Variants in UTRN observed in about 807,000 individuals in gnomAD.
UTRN encodes dystrophin-related protein 1.
In UTRN, 283 loss-of-function variants were observed where a neutral mutation model predicts 463.9. The observed-to-expected ratio is 0.61, with a 90% CI of 0.55 to 0.67. UTRN has a LOEUF of 0.67. Among genes scored for constraint, UTRN ranks in the 30% least tolerant of loss-of-function variants. UTRN has a pLI of 0.00. For missense variants in UTRN, 3,922 were observed against 4,084.3 expected (o/e 0.96, Z 1.08); for synonymous variants, 1,442 against 1,431.5 (o/e 1.01, Z -0.17).
At chr6:144,724,034 GA>G (rs901403873) in intron 53 of UTRN, among the ~76,000 whole-genome samples, 1 of 138,676 alleles carries the variant, frequency 7.2e-6, no homozygotes, top group African/African-American at 2.7e-5. Flanking sequence ...AAAAAAGAAA[GA>G]AAAAAAAGAA....
intron 54 of UTRN, among the ~76,000 whole-genome samples, chr6:144,735,425 A>G (rs1789268660): frequency 1.3e-5 from 2 of 152,194 alleles, no homozygotes; most frequent in African/African-American, 2.4e-5. Flanking sequence ...CCTGGTTGCC[A>G]GAGTCTTGTG....
At chr6:144,723,691 G>A (rs1336224701) in intron 53 of UTRN, among the ~76,000 whole-genome samples, 1 of 152,044 alleles carries the variant, frequency 6.6e-6, no homozygotes, top group Non-Finnish European at 1.5e-5. Flanking sequence ...ATATGCATTG[G>A]GGATAAAGAC....
chr6:144,445,098 C>T (rs751174948), intron 14 of UTRN, among the ~76,000 whole-genome samples: 1 of 152,120 alleles, frequency 6.6e-6, no homozygotes, highest in African/African-American at 2.4e-5. Context: ...CGCCTGTAAT[C>T]CCAGCACTTT....
intron 69 of UTRN, among the ~76,000 whole-genome samples, chr6:144,832,851 A>G (rs773572121): frequency 6.6e-6 from 1 of 151,864 alleles, no homozygotes; most frequent in Non-Finnish European, 1.5e-5. Context: ...ACAGAGTCTC[A>G]CTCTGTCGCC....
chr6:144,532,620 C>T (rs577093751), intron 42 of UTRN, among the ~76,000 whole-genome samples: 1 of 152,336 alleles, frequency 6.6e-6, no homozygotes, highest in South Asian at 2.1e-4. Context: ...CAAACCATAT[C>T]AACCAGTGAA....
intron 34 of UTRN, among the ~76,000 whole-genome samples, chr6:144,503,450 T>A (rs1026563785): frequency 1.3e-5 from 2 of 152,198 alleles, no homozygotes; most frequent in African/African-American, 2.4e-5. Context: ...AGGGGTCCAC[T>A]TTCAGTTTTC....
intron 53 of UTRN, among the ~76,000 whole-genome samples, 197 bp downstream of exon 53, chr6:144,700,440 A>G (rs1784469662): frequency 6.6e-6 from 1 of 152,024 alleles, no homozygotes; most frequent in South Asian, 2.1e-4. Flanking sequence ...CATTTAACTA[A>G]ATTTTTTTCA....
chr6:144,433,240 C>T (rs1287173878), intron 9 of UTRN, among the ~76,000 whole-genome samples: 2 of 151,976 alleles, frequency 1.3e-5, no homozygotes, highest in African/African-American at 4.8e-5. Flanking sequence ...CAGAGGGGCT[C>T]CTCACTTCCC....
At chr6:144,480,501 C>T (rs955630730) in intron 26 of UTRN, among the ~76,000 whole-genome samples, 6 of 152,156 alleles carry the variant, frequency 3.9e-5, no homozygotes, top group African/African-American at 1.2e-4. Flanking sequence ...TTAATACATA[C>T]GGCACATATG....
At position 144,751,815 on chromosome 6, in the gene UTRN, G is replaced by A; in HGVS notation, c.8218G>A (p.Glu2740Lys). 1 of 1,601,018 alleles carries A rather than the reference G, an allele frequency of 6.2e-7. No individual in the cohort carries two copies. The highest frequency in any genetic ancestry group is 8.5e-7 in the Non-Finnish European group (1 of 1,175,356). The change falls in exon 56 of 75, where the codon GAA (glutamate) becomes AAA (lysine). Residue 2740 changes from glutamate to lysine, a missense_variant. Physicochemically the swap from Glu to Lys is moderately conservative, Grantham distance 56. This residue lies in a region of UTRN where 1,309 missense variants were observed against 1,452.6 expected (regional missense o/e 0.90). Transcript: ENST00000367545. ...DHIEKIMAFREEIAPINFKVK... is the reference protein window; with the variant it reads ...DHIEKIMAFRKEIAPINFKVK... The stretch of plus-strand genomic sequence containing the variant: ...TGTTCTTTTCTTCTAGGCATTTAGA[G>A]AAGAAATTGCACCAATCAACTTTAA...
chr6:144,811,238 A>G (rs1325436756), intron 65 of UTRN, among the ~76,000 whole-genome samples: 4 of 152,184 alleles, frequency 2.6e-5, no homozygotes, highest in African/African-American at 7.2e-5. Context: ...GCCAGCATCA[A>G]TGTACTTCGT....
rs186328845 is a variant in UTRN, at chr6:144,320,887, C to T, written c.79+28980C>T. Among the ~76,000 whole-genome samples the T allele has an allele frequency of 5.5e-4, 83 of 152,242 alleles. 1 individual carries two copies. The highest frequency in any genetic ancestry group is 1.3e-3 in the Admixed American group (20 of 15,272). ...GTTAAGTGTTGAGTTTCTATTTGCA[C>T]CTTATTCACCAGATTTACTTATTGT... On this transcript the variant is annotated intron_variant, in intron 2 of 74. Transcript: ENST00000367545.
chr6:144,788,806 G>A (rs924905395), intron 61 of UTRN, among the ~76,000 whole-genome samples: 4 of 152,068 alleles, frequency 2.6e-5, no homozygotes, highest in Admixed American at 6.6e-5. Context: ...CAGGTGATCC[G>A]CCTGCCTTGG....
chr6:144,374,945 CAAAAAA>C lies in UTRN; in HGVS notation c.80-28164_80-28159del, dbSNP rs757547113. Among the ~76,000 whole-genome samples, 400 of 49,218 alleles carry C rather than the reference CAAAAAA, an allele frequency of 8.1e-3. 2 individuals carry two copies. The highest frequency in any genetic ancestry group is 0.044 in the Middle Eastern group (3 of 68). The allele number at this position is 49,218 out of a possible 152,430, so 32.3% of individuals were successfully genotyped here. ...TGGGTGACAGAGTGAGACTCCATCT[CAAAAAA>C]AAAAAAAAAAAAAGTAACTAAAAGG... On this transcript the variant is annotated intron_variant, in intron 2 of 74. Transcript: ENST00000367545.
intron 53 of UTRN, among the ~76,000 whole-genome samples, chr6:144,725,984 C>T (rs1015895572): frequency 2.0e-5 from 3 of 152,026 alleles, no homozygotes; most frequent in African/African-American, 4.8e-5. Flanking sequence ...CAAAGGAGTT[C>T]GCGAGACATT....
chr6:144,756,991 G>C (rs1050694186), intron 57 of UTRN, among the ~76,000 whole-genome samples: 5 of 151,942 alleles, frequency 3.3e-5, no homozygotes, highest in African/African-American at 1.2e-4. Context: ...CTGAATAGTT[G>C]TAAGATATTA....
chr6:144,431,378 G>A (rs937694827), intron 9 of UTRN, among the ~76,000 whole-genome samples: 2 of 152,180 alleles, frequency 1.3e-5, no homozygotes, highest in African/African-American at 4.8e-5. Flanking sequence ...CTCTTCATTT[G>A]CAAGCTTTCA....
chr6:144,674,809 T>C (rs1256321939), intron 51 of UTRN, among the ~76,000 whole-genome samples: 2 of 152,252 alleles, frequency 1.3e-5, no homozygotes, highest in Non-Finnish European at 2.9e-5. Context: ...CCCTCCTGCC[T>C]TGGCCTCCCA....
At chr6:144,788,565 A>ATT (rs796235314) in intron 61 of UTRN, among the ~76,000 whole-genome samples, 7,741 of 136,772 alleles carry the variant, frequency 0.057, 734 homozygotes, top group African/African-American at 0.2. Context: ...AATTCATAGT[A>ATT]TTTTTTTTTT....
Sources: gnomAD v4.1 joint callset for allele counts (sites outside exome capture counted in the v4.1 genomes callset) on GRCh38, gnomAD v4.1.1 for gene constraint, gnomAD v4.1.1 regional missense constraint, MANE v1.5 for transcripts, NCBI Gene and HGNC (gene_info 2026-07-23, HGNC 2026-07-21) for gene names.